The following PCTP variants were observed in gnomAD, a reference collection of about 807,000 sequenced individuals.
PCTP encodes the protein phosphatidylcholine transfer protein.
PCTP carries 27 observed loss-of-function variants against 31.0 expected under a neutral mutation model. The ratio of observed to expected loss-of-function variants is 0.87; its 90% CI spans 0.64 to 1.20. The LOEUF is 1.20. PCTP is among the 50% of genes most tolerant of loss of function. The probability of loss-of-function intolerance (pLI) is 0.00; values close to 1 mark genes in which losing one functional copy is unlikely to be tolerated. For synonymous variants in PCTP, 108 were observed against 101.2 expected, an observed-to-expected ratio of 1.07 and a Z score of -0.40; for missense variants, 287 against 268.2, an observed-to-expected ratio of 1.07 and a Z score of -0.49.
intron 1 of PCTP, among the ~76,000 whole-genome samples, chr17:55,764,019 C>T (rs1385340918): frequency 5.3e-5 from 8 of 152,202 alleles, no homozygotes; most frequent in Non-Finnish European, 4.4e-5. Flanking sequence ...ATCGTTCATT[C>T]TTCTGTACTC....
At chr17:55,840,380 G>A (rs1270784175) in intron 5 of PCTP, among the ~76,000 whole-genome samples, 1 of 152,180 alleles carries the variant, frequency 6.6e-6, no homozygotes, top group African/African-American at 2.4e-5. Flanking sequence ...AATAAAGCTT[G>A]TATAATTCCA....
intron 4 of PCTP, 135 bp downstream of exon 4, chr17:55,774,030 A>C (rs1911168903): frequency 1.9e-6 from 2 of 1,045,056 alleles, no homozygotes; most frequent in Non-Finnish European, 1.3e-6. Context: ...AGAGCAAACC[A>C]GGATCAGCAC....
chr17:55,826,845 T>C (rs1006845459), downstream of PCTP, among the ~76,000 whole-genome samples: 1 of 152,154 alleles, frequency 6.6e-6, no homozygotes, highest in African/African-American at 2.4e-5. Context: ...TGAATCCAAT[T>C]TGGAGCCTTG....
At chr17:55,784,587 A>G (rs2144992638) in intron 2 of PCTP, among the ~76,000 whole-genome samples, 1 of 152,344 alleles carries the variant, frequency 6.6e-6, no homozygotes, top group African/African-American at 2.4e-5. Flanking sequence ...GGTATTAAGA[A>G]CCAGTAAAAT....
intron 3 of PCTP, among the ~76,000 whole-genome samples, chr17:55,791,242 T>C (rs1440324762): frequency 6.6e-6 from 1 of 152,020 alleles, no homozygotes; most frequent in East Asian, 1.9e-4. Flanking sequence ...GACACAGGCA[T>C]GGGCAAGGAC....
downstream of PCTP, among the ~76,000 whole-genome samples, chr17:55,781,622 A>G (rs1488683850): frequency 6.6e-6 from 1 of 152,214 alleles, no homozygotes; most frequent in Non-Finnish European, 1.5e-5. Context: ...TAAACAAAAT[A>G]AACTAAAAAC....
chr17:55,850,680 G>C, the PCTP span, among the ~76,000 whole-genome samples: 1 of 152,080 alleles, frequency 6.6e-6, no homozygotes, highest in Non-Finnish European at 1.5e-5. Context: ...TGGCACGTAG[G>C]TTTCAGTTAT....
At chr17:55,815,246 T>C (rs8065061) in intron 3 of PCTP, among the ~76,000 whole-genome samples, 4,076 of 152,286 alleles carry the variant, frequency 0.027, 185 homozygotes, top group African/African-American at 0.093. Flanking sequence ...CACTTGATAA[T>C]TTTGCTTTTG....
At chr17:55,803,088 A>G (rs1018186506) in intron 3 of PCTP, among the ~76,000 whole-genome samples, 16 of 152,220 alleles carry the variant, frequency 1.1e-4, no homozygotes, top group African/African-American at 3.6e-4. Flanking sequence ...GAGCCAAATC[A>G]TGAGTGAATT....
In PCTP at chr17:55,751,221, A is replaced by C. The variant is rs1347237769; in HGVS notation, c.118A>C (p.Ser40Arg). 7 of 1,543,526 alleles carry C rather than the reference A, an allele frequency of 4.5e-6. No individual in the cohort carries two copies. Among genetic ancestry groups the C allele is most frequent in the Non-Finnish European group, 6.1e-6 (7 of 1,144,042 alleles). Residue 40 changes from serine to arginine, a missense_variant, in exon 1 of 6, where the codon AGC (serine) becomes CGC (arginine). Coordinates refer to ENST00000268896, the MANE Select transcript of PCTP (RefSeq NM_021213.4). Reference sequence around the variant, plus strand: ...GCTCCTAGTGGAGACCTCGGGCATCAGCATCTACCGGCTGCTGGACAAGGT... The same window carrying C: ...GCTCCTAGTGGAGACCTCGGGCATCCGCATCTACCGGCTGCTGGACAAGGT... ...WQLLVETSGI[S>R]IYRLLDKKTG...
chr17:55,774,936 G>C (rs923263453), intron 5 of PCTP, 77 bp downstream of exon 5: 10 of 1,443,640 alleles, frequency 6.9e-6, no homozygotes, highest in Admixed American at 6.7e-5. Context: ...CCGCGGGGCT[G>C]TCAGGCTGAA....
rs779077045 is a variant in PCTP, at chr17:55,771,119, A to G, written c.273A>G (p.Gln91=). ...GCTTTCCTTTAGAACTCTATGAACA[A>G]GAATGCAACGGAGAGACTGTGGTCT... is the stretch of plus-strand genomic sequence containing the variant. ...WDQYVKELYE[Q]ECNGETVVYW... is the part of the protein sequence containing the mutation. Residue 91 remains glutamine (Q), a synonymous_variant, in exon 3 of 6, where the codon CAA becomes CAG. Coordinates refer to ENST00000268896, the MANE Select transcript of PCTP (RefSeq NM_021213.4). 1 of 1,613,066 alleles carries G rather than the reference A, an allele frequency of 6.2e-7. No homozygotes were observed. Among genetic ancestry groups the G allele is most frequent in the African/African-American group, 1.3e-5 (1 of 74,878 alleles).
At chr17:55,764,917 A>G (rs1254081262) in intron 1 of PCTP, among the ~76,000 whole-genome samples, 1 of 152,244 alleles carries the variant, frequency 6.6e-6, no homozygotes, top group Non-Finnish European at 1.5e-5. Context: ...TAATTTTAAT[A>G]ATAGAGCCTT....
At chr17:55,755,177 A>C (rs1362943713) in intron 1 of PCTP, among the ~76,000 whole-genome samples, 1 of 152,080 alleles carries the variant, frequency 6.6e-6, no homozygotes, top group Non-Finnish European at 1.5e-5. Flanking sequence ...TTAGTTATGA[A>C]GTTATGGGCG....
At chr17:55,762,803 C>G (rs1163914194) in intron 1 of PCTP, among the ~76,000 whole-genome samples, 1 of 152,092 alleles carries the variant, frequency 6.6e-6, no homozygotes, top group Non-Finnish European at 1.5e-5. Context: ...CCTCTCCCTG[C>G]AGAGGAGACC....
chr17:55,831,545 G>A (rs1004197744), intron 5 of PCTP, among the ~76,000 whole-genome samples: 1 of 152,162 alleles, frequency 6.6e-6, no homozygotes, highest in African/African-American at 2.4e-5. Context: ...GGTGTTACCT[G>A]AAACACTTGC....
At chr17:55,758,401 G>A (rs1340733284) in intron 1 of PCTP, among the ~76,000 whole-genome samples, 2 of 152,158 alleles carry the variant, frequency 1.3e-5, no homozygotes, top group East Asian at 1.9e-4. Flanking sequence ...CTGAGAGAAA[G>A]TTTGGCCTTT....
At chr17:55,756,038 G>T (rs1374154485) in intron 1 of PCTP, among the ~76,000 whole-genome samples, 1 of 152,244 alleles carries the variant, frequency 6.6e-6, no homozygotes, top group Non-Finnish European at 1.5e-5. Context: ...CATGGGTATT[G>T]TGGGAAAAGC....
At chr17:55,806,981 A>G (rs560136490) in intron 3 of PCTP, among the ~76,000 whole-genome samples, 1 of 152,296 alleles carries the variant, frequency 6.6e-6, no homozygotes, top group South Asian at 2.1e-4. Flanking sequence ...CATTTGATGC[A>G]ATGTTCCCTG....
Sources: allele counts gnomAD v4.1 joint callset (sites outside exome capture counted in the v4.1 genomes callset), GRCh38; gene constraint gnomAD v4.1.1; transcripts MANE v1.5; gene names NCBI Gene and HGNC (gene_info 2026-07-23, HGNC 2026-07-21).